DNAJC25: variants seen among roughly 807,000 people sequenced by gnomAD.
DNAJC25 encodes dnaJ homolog subfamily C member 25.
In DNAJC25, 26 loss-of-function variants were observed where a neutral mutation model predicts 42.1. The ratio of observed to expected loss-of-function variants is 0.62; its 90% CI spans 0.45 to 0.86. DNAJC25 has a LOEUF of 0.86. Ranked by LOEUF, DNAJC25 falls within the 40% of genes least tolerant of loss-of-function variation. DNAJC25 has a pLI of 0.00. For missense variants in DNAJC25, 404 were observed against 459.4 expected (o/e 0.88, Z 1.10); for synonymous variants, 189 against 179.9 (o/e 1.05, Z -0.40).
chr9:111,638,705 C>G (rs545487338), intron 1 of DNAJC25, among the ~76,000 whole-genome samples: 2 of 152,160 alleles, frequency 1.3e-5, no homozygotes, highest in African/African-American at 4.8e-5. Context: ...AAGTCCTATT[C>G]TTTTTCTTAG....
chr9:111,640,917 C>G (rs1830446988), intron 1 of DNAJC25, among the ~76,000 whole-genome samples: 1 of 97,900 alleles, frequency 1.0e-5, no homozygotes, highest in African/African-American at 6.3e-5. Flanking sequence ...GCCAGCCGTG[C>G]CGTCCGGCCA....
chr9:111,632,010 G>T (rs12554545), intron 1 of DNAJC25, among the ~76,000 whole-genome samples: 7,100 of 152,356 alleles, frequency 0.047, 369 homozygotes, highest in Admixed American at 0.12. Context: ...TTACGATTTC[G>T]TGAAAATATT....
At chr9:111,636,305 G>A (rs1395567461) in intron 1 of DNAJC25, among the ~76,000 whole-genome samples, 3 of 152,086 alleles carry the variant, frequency 2.0e-5, no homozygotes, top group Admixed American at 1.3e-4. Context: ...AGTTTCATGA[G>A]GTATTATAGT....
Position 111,631,714 on chromosome 9 carries a change from C to A in DNAJC25, c.307C>A (p.Leu103Met). 6.6e-7 allele frequency: 1 copy of A among 1,522,012 alleles called. No homozygotes were observed. Among genetic ancestry groups the A allele is most frequent in the East Asian group, 2.6e-5 (1 of 38,270 alleles). The allele number at this position is 1,522,012 out of a possible 1,614,324, so 94.3% of individuals were successfully genotyped here. ...TPQSAEEAFLLVATAYETLKD... is the reference protein window; with the variant it reads ...TPQSAEEAFLMVATAYETLKD... ...GCAGAGCGCCGAGGAGGCTTTCCTG[C>A]TGGTGGCAACCGCCTACGAGACACT... is the stretch of plus-strand genomic sequence containing the variant. Residue 103 changes from leucine (L) to methionine (M), a missense_variant, in exon 1 of 4, where the codon CTG (leucine) becomes ATG (methionine). Transcript: ENST00000313525.
chr9:111,641,005 G>C (rs1259679121), intron 1 of DNAJC25, among the ~76,000 whole-genome samples: 2 of 104,992 alleles, frequency 1.9e-5, no homozygotes, highest in South Asian at 6.0e-4. Flanking sequence ...GAGGTGGGGG[G>C]GTCAGCCCCG....
chr9:111,635,390 G>A (rs376105664), intron 1 of DNAJC25, among the ~76,000 whole-genome samples: 2 of 152,298 alleles, frequency 1.3e-5, no homozygotes, highest in East Asian at 1.9e-4. Flanking sequence ...TATGTGCAAC[G>A]CCCTCTGCCA....
chr9:111,646,972 G>A (rs1328888133), intron 1 of DNAJC25, 135 bp from the exon 2 acceptor site: 7 of 1,054,080 alleles, frequency 6.6e-6, no homozygotes, highest in Non-Finnish European at 8.8e-6. Flanking sequence ...GAAATTTTTT[G>A]ATTTTGACAA....
chr9:111,631,498 C>G lies in DNAJC25; in HGVS notation c.91C>G (p.Leu31Val), dbSNP rs1440643819. Residue 31 changes from leucine to valine, a missense_variant, in exon 1 of 4, where the codon CTG becomes GTG. By Grantham distance (32) the Leu-to-Val change is conservative. Coordinates refer to ENST00000313525, the MANE Select transcript of DNAJC25 (RefSeq NM_001015882.3). The stretch of plus-strand genomic sequence containing the variant: ...GCTGGCGCCCCTGCTGCCGGCGCTG[C>G]TGCTGGTGCGGCCCGCGGGGGCCCT... The part of the protein sequence containing the change: ...MLLAPLLPAL[L>V]LVRPAGALVE... 2.2e-5 allele frequency: 29 copies of G among 1,329,712 alleles called. No individual in the cohort carries two copies. Among genetic ancestry groups the G allele is most frequent in the Non-Finnish European group, 2.6e-5 (27 of 1,046,916 alleles). 82.4% of individuals were successfully genotyped at this position (1,329,712 alleles called of 1,614,324 possible).
Position 111,632,381 on chromosome 9 carries a change from G to A in DNAJC25, c.336+638G>A, listed in dbSNP as rs192946610. On this transcript the variant is annotated intron_variant, in intron 1 of 3. Transcript: ENST00000313525. The stretch of plus-strand genomic sequence containing the variant: ...AGTTATTATGGGGATTAAATGATAA[G>A]TGTGCGAACCGCCCCCCTTTCCATA... Among the ~76,000 whole-genome samples the A allele has an allele frequency of 1.4e-3, 217 of 152,320 alleles. 2 individuals are homozygous for A. The highest frequency in any genetic ancestry group is 2.3e-3 in the Non-Finnish European group (157 of 68,028).
At position 111,631,506 on chromosome 9, in the gene DNAJC25, G is replaced by A. The variant is rs1389928233; in HGVS notation, c.99G>A (p.Val33=). Reference sequence around the variant, plus strand: ...CCCTGCTGCCGGCGCTGCTGCTGGTGCGGCCCGCGGGGGCCCTGGTGGAGG... The same window carrying A: ...CCCTGCTGCCGGCGCTGCTGCTGGTACGGCCCGCGGGGGCCCTGGTGGAGG... The part of the protein sequence containing the change: ...LAPLLPALLL[V]RPAGALVEGL... The change falls in exon 1 of 4, where the codon GTG becomes GTA. Residue 33 remains valine (V), a synonymous_variant. Transcript: ENST00000313525. The A allele has an allele frequency of 1.5e-6, 2 of 1,331,744 alleles. No individual in the cohort carries two copies. The highest frequency in any genetic ancestry group is 1.9e-6 in the Non-Finnish European group (2 of 1,047,806). The allele number at this position is 1,331,744 out of a possible 1,614,324, so 82.5% of individuals were successfully genotyped here.
At chr9:111,640,734 T>C (rs1314389519) in intron 1 of DNAJC25, among the ~76,000 whole-genome samples, 211 of 65,390 alleles carry the variant, frequency 3.2e-3, no homozygotes, top group South Asian at 4.6e-3. Context: ...GCCCGGCAGC[T>C]GCCCCGTCTG....
intron 2 of DNAJC25, among the ~76,000 whole-genome samples, chr9:111,648,449 T>C (rs954512329): frequency 6.0e-5 from 9 of 148,878 alleles, no homozygotes; most frequent in African/African-American, 2.2e-4. Context: ...TTTTTTTTTT[T>C]GGTAGAGACA....
chr9:111,646,965 A>T, intron 1 of DNAJC25, 142 bp from the exon 2 acceptor site: 1 of 983,270 alleles, frequency 1.0e-6, no homozygotes, highest in Non-Finnish European at 1.4e-6. Flanking sequence ...GCAATGGGAA[A>T]TTTTTTGATT....
chr9:111,631,784 C>T (rs1830284629), intron 1 of DNAJC25, 41 bp downstream of exon 1: 2 of 1,476,260 alleles, frequency 1.4e-6, no homozygotes, highest in African/African-American at 1.5e-5. Flanking sequence ...AGACTGGCCG[C>T]GGGAAGCCCA....
rs71373755 is a variant in DNAJC25, at chr9:111,639,928, CTCTCCGTCTCCGTCTCCG to C, written c.337-7161_337-7144del. ...CCTCTCCCTCTCCCTCTCCCTCTCCCTCTCCGTCTCCGTCTCCGTCTCCGTCTCCGTCTCCCCATGGTC... is the reference window on the plus strand; with the variant it reads ...CCTCTCCCTCTCCCTCTCCCTCTCCCTCTCCGTCTCCGTCTCCCCATGGTC... On this transcript the variant is annotated intron_variant, in intron 1 of 3. Coordinates refer to ENST00000313525, the MANE Select transcript of DNAJC25 (RefSeq NM_001015882.3). Among the ~76,000 whole-genome samples, 233 of 119,776 alleles carry C rather than the reference CTCTCCGTCTCCGTCTCCG, an allele frequency of 1.9e-3. 2 individuals are homozygous for C. Among genetic ancestry groups the C allele is most frequent in the Admixed American group, 6.7e-3 (83 of 12,414 alleles). 78.6% of individuals were successfully genotyped at this position (119,776 alleles called of 152,430 possible).
chr9:111,644,008 A>G (rs1830527983), intron 1 of DNAJC25, among the ~76,000 whole-genome samples: 1 of 152,170 alleles, frequency 6.6e-6, no homozygotes, highest in African/African-American at 2.4e-5. Context: ...TGCCTCACTG[A>G]TCATCATCAG....
chr9:111,647,045 A>G (rs1030110159), intron 1 of DNAJC25, 62 bp from the exon 2 acceptor site: 1 of 1,506,108 alleles, frequency 6.6e-7, no homozygotes, highest in Non-Finnish European at 8.9e-7. Flanking sequence ...GATTTAACAG[A>G]TTATAAACTA....
At chr9:111,637,710 C>G (rs1230365350) in intron 1 of DNAJC25, among the ~76,000 whole-genome samples, 1 of 152,216 alleles carries the variant, frequency 6.6e-6, no homozygotes, top group Non-Finnish European at 1.5e-5. Context: ...AACAGTGACA[C>G]TCTACTCACC....
At chr9:111,639,802 A>C (rs1359301224) in intron 1 of DNAJC25, among the ~76,000 whole-genome samples, 5 of 151,706 alleles carry the variant, frequency 3.3e-5, no homozygotes, top group African/African-American at 1.2e-4. Context: ...CCTGACCTTC[A>C]CCACCCCAAA....
Sources: gnomAD v4.1 joint callset for allele counts (sites outside exome capture counted in the v4.1 genomes callset) on GRCh38, gnomAD v4.1.1 for gene constraint, MANE v1.5 for transcripts, NCBI Gene and HGNC (gene_info 2026-07-23, HGNC 2026-07-21) for gene names.